Variants in FBLN5 observed in about 807,000 individuals in gnomAD.
FBLN5 encodes the protein fibulin-5.
Under a neutral mutation model 61.6 loss-of-function variants are expected in FBLN5, and 24 were observed. The ratio of observed to expected loss-of-function variants is 0.39; its 90% CI spans 0.28 to 0.55. The LOEUF is 0.55. FBLN5 is among the 20% of genes least tolerant of loss of function. The pLI is 0.65. For missense variants in FBLN5, 470 were observed against 594.1 expected (o/e 0.79, Z 2.17); for synonymous variants, 213 against 219.8 (o/e 0.97, Z 0.27).
chr14:91,946,110 C>T (rs924785221), intron 1 of FBLN5, among the ~76,000 whole-genome samples: 22 of 152,152 alleles, frequency 1.4e-4, no homozygotes, highest in Non-Finnish European at 2.4e-4. Context: ...GCCCCATTCC[C>T]TTTGGCTAGA....
chr14:91,916,535 A>G (rs1891204014), intron 4 of FBLN5, among the ~76,000 whole-genome samples: 2 of 152,188 alleles, frequency 1.3e-5, no homozygotes, highest in Admixed American at 1.3e-4. Flanking sequence ...CTACCTGATA[A>G]CTTTCAATGA....
intron 4 of FBLN5, among the ~76,000 whole-genome samples, chr14:91,928,593 A>C (rs1451043145): frequency 6.6e-6 from 1 of 151,948 alleles, no homozygotes; most frequent in African/African-American, 2.4e-5. Flanking sequence ...ACAACATAGC[A>C]AGACCCTGTC....
chr14:91,871,346 A>G (rs1430642867), intron 10 of FBLN5, among the ~76,000 whole-genome samples: 2 of 152,036 alleles, frequency 1.3e-5, no homozygotes, highest in Non-Finnish European at 2.9e-5. Context: ...GAAAGGTGGA[A>G]TTTAAGAACC....
intron 4 of FBLN5, among the ~76,000 whole-genome samples, chr14:91,903,091 AT>A (rs886606487): frequency 6.6e-6 from 1 of 150,996 alleles, no homozygotes; most frequent in Non-Finnish European, 1.5e-5. Flanking sequence ...AGTTGAAACT[AT>A]TTTTTTTTAA....
At chr14:91,926,977 C>T (rs534056749) in intron 4 of FBLN5, among the ~76,000 whole-genome samples, 12 of 152,128 alleles carry the variant, frequency 7.9e-5, no homozygotes, top group South Asian at 2.1e-4. Context: ...TTCGAACCCA[C>T]GTCTGTGTGA....
rs148209555 is a variant in FBLN5 at position 91,887,206 on chromosome 14, G to A, written c.726C>T (p.Gly242=). ...AAAGCCCATTACCACTGCAATGAAC[G>A]CCATCTTCCTCAAGTTCATATCCTG... is the stretch of plus-strand genomic sequence containing the variant. ...CDPGYELEED[G]VHCSDMDECS... is the part of the protein sequence containing the mutation. Residue 242 remains glycine, a synonymous_variant, in exon 7 of 11, where the codon GGC becomes GGT. Coordinates refer to ENST00000342058, the MANE Select transcript of FBLN5 (RefSeq NM_006329.4). The A allele has an allele frequency of 1.4e-5, 22 of 1,613,528 alleles. No homozygotes were observed. Among genetic ancestry groups the A allele is most frequent in the Admixed American group, 1.2e-4 (7 of 59,908 alleles).
intron 4 of FBLN5, among the ~76,000 whole-genome samples, chr14:91,935,945 T>A (rs1423296402): frequency 6.6e-6 from 1 of 152,030 alleles, no homozygotes; most frequent in East Asian, 1.9e-4. Flanking sequence ...GAAGTTTGGG[T>A]TCAAGCATAC....
chr14:91,947,281 G>T lies in FBLN5; in HGVS notation c.-52C>A, dbSNP rs373314585. 1 of 1,613,252 alleles carries T rather than the reference G, an allele frequency of 6.2e-7. No individual in the cohort carries two copies. The highest frequency in any genetic ancestry group is 8.5e-7 in the Non-Finnish European group (1 of 1,179,376). On this transcript the variant is annotated 5_prime_UTR_variant, in exon 1 of 11. Coordinates refer to ENST00000342058, the MANE Select transcript of FBLN5 (RefSeq NM_006329.4). The surrounding 1 kb of genome is among the most constrained non-coding windows in gnomAD (Gnocchi z 4.3). Reference sequence around the variant, plus strand: ...GAAGGCGAGAAGAAAGCTCGCGGGCGGGACCCCCGGAGGAGCTCGGGCACG... The same window carrying T: ...GAAGGCGAGAAGAAAGCTCGCGGGCTGGACCCCCGGAGGAGCTCGGGCACG...
intron 10 of FBLN5, 41 bp from the exon 11 acceptor site, chr14:91,870,426 C>T: frequency 6.2e-7 from 1 of 1,609,480 alleles, no homozygotes; most frequent in Non-Finnish European, 8.5e-7. Flanking sequence ...AAAAGGCCTG[C>T]ATGGTGGCCC....
At chr14:91,930,078 A>G (rs1375428156) in intron 4 of FBLN5, among the ~76,000 whole-genome samples, 2 of 152,380 alleles carry the variant, frequency 1.3e-5, no homozygotes, top group Non-Finnish European at 2.9e-5. Context: ...AGAATAAAAA[A>G]TAATGGAATA....
chr14:91,885,314 T>C (rs1027194468), intron 7 of FBLN5, among the ~76,000 whole-genome samples: 7 of 152,194 alleles, frequency 4.6e-5, no homozygotes, highest in Non-Finnish European at 7.3e-5. Flanking sequence ...GGCATGGATG[T>C]AAGCTTCTCA....
chr14:91,870,161 T>C lies in FBLN5; in HGVS notation c.*63A>G. On this transcript the variant is annotated 3_prime_UTR_variant, in exon 11 of 11. Coordinates refer to ENST00000342058, the MANE Select transcript of FBLN5 (RefSeq NM_006329.4). ...GTGTCGCTCTCATTCTCTCTGTTATTTCCTCTCTTCTCCTGTCCCTTGGTG... is the reference window on the plus strand; with the variant it reads ...GTGTCGCTCTCATTCTCTCTGTTATCTCCTCTCTTCTCCTGTCCCTTGGTG... 1 of 1,509,510 alleles carries C rather than the reference T, an allele frequency of 6.6e-7. No individual in the cohort carries two copies. The highest frequency in any genetic ancestry group is 9.2e-7 in the Non-Finnish European group (1 of 1,085,014). 93.5% of individuals were successfully genotyped at this position (1,509,510 alleles called of 1,614,324 possible).
rs909797735 is a variant in FBLN5 at position 91,891,335 on chromosome 14, T to C, written c.505A>G (p.Ile169Val). Residue 169 changes from isoleucine to valine, a missense_variant and splice_region_variant, in exon 6 of 11, where the codon ATT becomes GTT. Ile to Val is a conservative substitution (Grantham distance 29). Transcript: ENST00000342058. ...CAGTAACCATAGCGACATTCATCAA[T>C]GTCTGGAAACAGAAATGCAAGCAAA... is the stretch of plus-strand genomic sequence containing the variant. ...YWLLEGQCLD[I>V]DECRYGYCQQ... The C allele has an allele frequency of 2.5e-6, 4 of 1,605,800 alleles. No homozygotes were observed. The highest frequency in any genetic ancestry group is 2.7e-5 in the African/African-American group (2 of 74,754).
At chr14:91,936,900 T>C (rs747770735) in intron 4 of FBLN5, 47 bp downstream of exon 4, 20 of 1,613,048 alleles carry the variant, frequency 1.2e-5, no homozygotes, top group Non-Finnish European at 1.4e-5. Flanking sequence ...ACAGACGATG[T>C]CTTCACCAAA....
rs2056031868 is a variant in FBLN5 at position 91,937,163 on chromosome 14, C to T, written c.163G>A (p.Gly55Arg). 7 of 1,614,098 alleles carry T rather than the reference C, an allele frequency of 4.3e-6. No individual in the cohort carries two copies. The highest frequency in any genetic ancestry group is 5.9e-6 in the Non-Finnish European group (7 of 1,180,020). Residue 55 changes from glycine (G) to arginine (R), a missense_variant, in exon 4 of 11, where the codon GGA (glycine) becomes AGA (arginine). Transcript: ENST00000342058. The stretch of plus-strand genomic sequence containing the variant: ...TTTTGGTTAACACACATCATGTCTC[C>T]TCGGCAGGCCTCGGGGATGGTTCGG... ...ECRTIPEACR[G>R]DMMCVNQNGG...
At position 91,870,180 on chromosome 14, in the gene FBLN5, C is replaced by G. The variant is rs1221226788; in HGVS notation, c.*44G>C. 1.3e-6 allele frequency: 2 copies of G among 1,585,512 alleles called. No homozygotes were observed. The highest frequency in any genetic ancestry group is 4.5e-5 in the East Asian group (2 of 44,756). ...TGTTATTTCCTCTCTTCTCCTGTCC[C>G]TTGGTGCCAATGAGAGGCAGCGTCG... On this transcript the variant is annotated 3_prime_UTR_variant, in exon 11 of 11. Coordinates refer to ENST00000342058, the MANE Select transcript of FBLN5 (RefSeq NM_006329.4).
intron 6 of FBLN5, among the ~76,000 whole-genome samples, chr14:91,888,713 C>T (rs1437917612): frequency 6.6e-6 from 1 of 151,968 alleles, no homozygotes; most frequent in African/African-American, 2.4e-5. Flanking sequence ...CCCAAGTCCA[C>T]CAGCTAACAA....
chr14:91,940,981 T>C (rs566674914), intron 2 of FBLN5, among the ~76,000 whole-genome samples: 1 of 152,278 alleles, frequency 6.6e-6, no homozygotes, highest in Admixed American at 6.5e-5. Context: ...CATTGCTTCA[T>C]AGCTCCCATT....
intron 10 of FBLN5, among the ~76,000 whole-genome samples, chr14:91,876,410 T>C (rs1889164337): frequency 6.6e-6 from 1 of 152,184 alleles, no homozygotes; most frequent in African/African-American, 2.4e-5. Flanking sequence ...GTATGCTGGG[T>C]AGTAGCCCCC....
Sources: allele counts gnomAD v4.1 joint callset (sites outside exome capture counted in the v4.1 genomes callset), GRCh38; gene constraint gnomAD v4.1.1; non-coding constraint Gnocchi (gnomAD v3.1); transcripts MANE v1.5; gene names NCBI Gene and HGNC (gene_info 2026-07-23, HGNC 2026-07-21).